TDRP: variants seen among roughly 807,000 people sequenced by gnomAD.
TDRP encodes the protein testis development-related protein.
Under a neutral mutation model 10.5 loss-of-function variants are expected in TDRP, and 12 were observed. That is an observed-to-expected ratio of 1.15 (90% CI 0.73 to 1.86). The LOEUF (loss-of-function observed/expected upper bound fraction) is 1.86, where lower values mean the gene tolerates loss of function less well. Among genes scored for constraint, TDRP ranks in the 40% most tolerant of loss-of-function variants. The pLI, the probability that TDRP is intolerant of heterozygous loss-of-function variation, is 0.00. For synonymous variants in TDRP, 139 were observed against 95.4 expected, an observed-to-expected ratio of 1.46 and a Z score of -2.67; for missense variants, 353 against 229.2, an observed-to-expected ratio of 1.54 and a Z score of -3.49.
At chr8:540,916 A>T (rs1048274415) in intron 1 of TDRP, among the ~76,000 whole-genome samples, 2 of 152,116 alleles carry the variant, frequency 1.3e-5, no homozygotes, top group African/African-American at 4.8e-5. Context: ...ATGTGCTCTC[A>T]ACCTGCACGT....
intron 1 of TDRP, among the ~76,000 whole-genome samples, chr8:505,996 G>A (rs751418670): frequency 6.6e-6 from 1 of 152,142 alleles, no homozygotes; most frequent in Non-Finnish European, 1.5e-5. Flanking sequence ...TGTGGGCATG[G>A]ACATCACTGT....
chr8:543,188 T>C (rs1367676560), intron 1 of TDRP, among the ~76,000 whole-genome samples: 2 of 152,058 alleles, frequency 1.3e-5, no homozygotes, highest in African/African-American at 4.8e-5. Flanking sequence ...GGTGCGCACT[T>C]GTAGTCCCAG....
chr8:543,811 C>T (rs183628022), intron 1 of TDRP, among the ~76,000 whole-genome samples: 16 of 151,968 alleles, frequency 1.1e-4, no homozygotes, highest in Non-Finnish European at 2.4e-4. Context: ...GCCTTAACAG[C>T]ATCAGGAGGA....
At chr8:510,569 T>C (rs1801589026) in intron 1 of TDRP, among the ~76,000 whole-genome samples, 1 of 152,112 alleles carries the variant, frequency 6.6e-6, no homozygotes, top group African/African-American at 2.4e-5. Context: ...CGGAAGGCAG[T>C]GGAATAACAC....
At chr8:493,117 A>G (rs1457168489) in intron 2 of TDRP, among the ~76,000 whole-genome samples, 1 of 152,240 alleles carries the variant, frequency 6.6e-6, no homozygotes, top group African/African-American at 2.4e-5. Flanking sequence ...AATCTATTCA[A>G]TTTATCAAAT....
chr8:534,642 A>C (rs1031962550), intron 1 of TDRP, among the ~76,000 whole-genome samples: 2 of 152,230 alleles, frequency 1.3e-5, no homozygotes, highest in East Asian at 3.8e-4. Flanking sequence ...GTAGTTCTCA[A>C]TAGACTGCAG....
At chr8:532,414 T>C (rs1272975555) in intron 1 of TDRP, among the ~76,000 whole-genome samples, 1 of 152,230 alleles carries the variant, frequency 6.6e-6, no homozygotes, top group Non-Finnish European at 1.5e-5. Flanking sequence ...CACACAGTTC[T>C]TGCTGACTAC....
chr8:513,123 ATAG>A (rs1801662495), intron 1 of TDRP, among the ~76,000 whole-genome samples: 5 of 151,708 alleles, frequency 3.3e-5, no homozygotes, highest in Admixed American at 2.0e-4. Context: ...AAAAAAAAAA[ATAG>A]AAGAGCAAGG....
intron 1 of TDRP, among the ~76,000 whole-genome samples, chr8:531,590 G>C (rs922340718): frequency 6.6e-6 from 1 of 152,200 alleles, no homozygotes; most frequent in African/African-American, 2.4e-5. Context: ...CGACAAAAAT[G>C]AAAAGGCGTA....
chr8:508,794 TAACTC>T (rs1429143345), intron 1 of TDRP, among the ~76,000 whole-genome samples: 1 of 152,194 alleles, frequency 6.6e-6, no homozygotes, highest in Non-Finnish European at 1.5e-5. Context: ...ATTTCAGCAT[TAACTC>T]AAAAGTCCAA....
chr8:528,578 G>T (rs1207720744), intron 1 of TDRP, among the ~76,000 whole-genome samples: 1 of 133,278 alleles, frequency 7.5e-6, no homozygotes, highest in South Asian at 2.8e-4. Context: ...AGCACAACAG[G>T]ATGACTACAG....
chr8:540,805 G>GT (rs1802471290), intron 1 of TDRP, among the ~76,000 whole-genome samples: 1 of 62,904 alleles, frequency 1.6e-5, no homozygotes, highest in Non-Finnish European at 3.1e-5. Flanking sequence ...ACTTTTTCAC[G>GT]TAAAAAAAAA....
chr8:521,309 T>C (rs6999261), intron 1 of TDRP, among the ~76,000 whole-genome samples: 83,934 of 149,412 alleles, frequency 0.56, 24,666 homozygotes, highest in Admixed American at 0.65. Context: ...CCCAGCTACT[T>C]GGGAGGCTGA....
At chr8:526,030 G>C (rs77431915) in intron 1 of TDRP, among the ~76,000 whole-genome samples, 1 of 152,126 alleles carries the variant, frequency 6.6e-6, no homozygotes, top group Admixed American at 6.6e-5. Context: ...AACTTCACAG[G>C]TTGTATGTAT....
intron 1 of TDRP, among the ~76,000 whole-genome samples, chr8:533,028 C>T (rs985625227): frequency 8.5e-5 from 13 of 152,132 alleles, no homozygotes; most frequent in Non-Finnish European, 1.9e-4. Context: ...CTCATTTGCC[C>T]CAAAGTCCCA....
intron 1 of TDRP, among the ~76,000 whole-genome samples, chr8:514,995 T>G (rs1801719770): frequency 6.6e-6 from 1 of 152,210 alleles, no homozygotes; most frequent in African/African-American, 2.4e-5. Flanking sequence ...ATTCAGACTT[T>G]ATTCCAATTC....
chr8:512,680 A>G (rs1280362242), intron 1 of TDRP, among the ~76,000 whole-genome samples: 1 of 152,196 alleles, frequency 6.6e-6, no homozygotes, highest in Non-Finnish European at 1.5e-5. Flanking sequence ...ATACATATAT[A>G]ACAAGTGAAG....
intron 1 of TDRP, among the ~76,000 whole-genome samples, chr8:506,900 T>A (rs538975965): frequency 6.6e-6 from 1 of 152,144 alleles, no homozygotes; most frequent in East Asian, 1.9e-4. Context: ...GAGTCTGTGG[T>A]GAAGTGCAAT....
In TDRP at chr8:516,891, G is replaced by C. The variant is rs544066934; in HGVS notation, c.109-22294C>G. Reference sequence around the variant, plus strand: ...CCTTCAGCAGGTGAATGGATAAGCTGGTACATCCAGATGATAGAATACTAT... The same window carrying C: ...CCTTCAGCAGGTGAATGGATAAGCTCGTACATCCAGATGATAGAATACTAT... On this transcript the variant is annotated intron_variant, in intron 1 of 2. Coordinates refer to ENST00000324079, the MANE Select transcript of TDRP (RefSeq NM_001384899.1). Among the ~76,000 whole-genome samples, 5 of 152,248 alleles carry C rather than the reference G, an allele frequency of 3.3e-5. No homozygotes were observed. In the South Asian group the frequency reaches 1.0e-3, roughly 32 times the overall value.
Sources: gnomAD v4.1 joint callset for allele counts (sites outside exome capture counted in the v4.1 genomes callset) on GRCh38, gnomAD v4.1.1 for gene constraint, MANE v1.5 for transcripts, NCBI Gene and HGNC (gene_info 2026-07-23, HGNC 2026-07-21) for gene names.